The following THSD7B variants were observed in gnomAD, a reference collection of about 807,000 sequenced individuals.
The protein encoded by THSD7B is thrombospondin type 1 domain containing 7B, also known as thrombospondin type-1 domain-containing protein 7B.
In THSD7B, 138 loss-of-function variants were observed where a neutral mutation model predicts 213.6. That is an observed-to-expected ratio of 0.65 (90% CI 0.56 to 0.74). The LOEUF is 0.74. Ranked by LOEUF, THSD7B falls within the 30% of genes least tolerant of loss-of-function variation. The pLI is 0.00. For synonymous variants in THSD7B, 742 were observed against 687.0 expected (o/e 1.08, Z -1.25); for missense variants, 1,931 against 1,991.5 (o/e 0.97, Z 0.58).
At chr2:137,624,807 T>C (rs1380725992) in intron 20 of THSD7B, among the ~76,000 whole-genome samples, 2 of 152,128 alleles carry the variant, frequency 1.3e-5, no homozygotes, top group Non-Finnish European at 2.9e-5. Context: ...ATGGTGATCA[T>C]TAAAAAGTCA....
In THSD7B at chr2:137,667,794, GT is replaced by G; in HGVS notation, c.4675del (p.Tyr1559MetfsTer11). 1 of 1,605,882 alleles carries G rather than the reference GT, an allele frequency of 6.2e-7. No homozygotes were observed. Among genetic ancestry groups the G allele is most frequent in the Non-Finnish European group, 8.5e-7 (1 of 1,175,648 alleles). On this transcript the variant is annotated frameshift_variant, in exon 27 of 28. Transcript: ENST00000409968. LOFTEE classifies it high-confidence loss of function. ...LDPDGRVKIW[V>X]YGVSGGAFLI... ...AACAGATGGCCGAGTAAAAATTTGG[GT>G]TTATGGCGTTTCAGGTGGCGCTTTT...
intron 10 of THSD7B, among the ~76,000 whole-genome samples, chr2:137,246,493 C>T (rs1682042371): frequency 6.6e-6 from 1 of 152,172 alleles, no homozygotes. Flanking sequence ...TGTGACATAG[C>T]AATGGATGAA....
At chr2:137,533,480 A>G (rs1038497214) in intron 15 of THSD7B, among the ~76,000 whole-genome samples, 4 of 151,872 alleles carry the variant, frequency 2.6e-5, no homozygotes, top group African/African-American at 9.7e-5. Flanking sequence ...AACTATTCTG[A>G]CATTTAGCAA....
At chr2:136,944,457 G>C (rs1309650788) in intron 2 of THSD7B, among the ~76,000 whole-genome samples, 1 of 152,132 alleles carries the variant, frequency 6.6e-6, no homozygotes, top group Non-Finnish European at 1.5e-5. Context: ...CTGTCTCCTT[G>C]ATCTGTCTAA....
intron 7 of THSD7B, among the ~76,000 whole-genome samples, chr2:137,181,988 T>C (rs1680464819): frequency 6.6e-6 from 1 of 152,184 alleles, no homozygotes; most frequent in Admixed American, 6.6e-5. Flanking sequence ...GAGTGCATTG[T>C]AATTAAAAGC....
intron 2 of THSD7B, among the ~76,000 whole-genome samples, chr2:136,927,880 C>T (rs1343124301): frequency 6.6e-6 from 1 of 152,112 alleles, no homozygotes; most frequent in East Asian, 1.9e-4. Flanking sequence ...CAAGTTAAAG[C>T]CCTTTGATTG....
intron 5 of THSD7B, 140 bp downstream of exon 5, chr2:137,115,433 G>T: frequency 4.3e-6 from 4 of 923,844 alleles, no homozygotes; most frequent in East Asian, 3.0e-5. Context: ...TTTGTATGCC[G>T]CCCCTAAGTT....
Position 137,115,306 on chromosome 2 carries a change from T to G in THSD7B, c.1369+13T>G. On this transcript the variant is annotated intron_variant, in intron 5 of 27. Transcript: ENST00000409968. The stretch of plus-strand genomic sequence containing the variant: ...AGGGCCAAGGAAGGTAGGCAGCCAG[T>G]TCCGGGACAGATGGTGCACTGCTGG... 6.5e-7 allele frequency: 1 copy of G among 1,534,824 alleles called. No homozygotes were observed. Among genetic ancestry groups the G allele is most frequent in the Non-Finnish European group, 8.7e-7 (1 of 1,144,412 alleles).
At chr2:136,984,862 A>G (rs1306594586) in intron 2 of THSD7B, among the ~76,000 whole-genome samples, 1 of 152,172 alleles carries the variant, frequency 6.6e-6, no homozygotes, top group African/African-American at 2.4e-5. Flanking sequence ...GAGGTCTCAA[A>G]TGGAAATGAG....
chr2:137,048,249 C>T (rs982846088), intron 2 of THSD7B, among the ~76,000 whole-genome samples: 4 of 152,088 alleles, frequency 2.6e-5, no homozygotes, highest in African/African-American at 9.7e-5. Flanking sequence ...TACAATGTTA[C>T]TGCTATTTCT....
At chr2:137,221,329 A>T (rs375783510) in intron 7 of THSD7B, among the ~76,000 whole-genome samples, 2 of 152,084 alleles carry the variant, frequency 1.3e-5, no homozygotes, top group South Asian at 4.1e-4. Flanking sequence ...GTTAGAACTG[A>T]TGGGGAGGGA....
intron 6 of THSD7B, among the ~76,000 whole-genome samples, chr2:137,167,899 A>G (rs910215207): frequency 6.6e-6 from 1 of 152,144 alleles, no homozygotes; most frequent in African/African-American, 2.4e-5. Flanking sequence ...TGTGGCGAAA[A>G]CACAATATCC....
At chr2:136,823,584 A>G (rs1241503884) in intron 1 of THSD7B, among the ~76,000 whole-genome samples, 1 of 151,852 alleles carries the variant, frequency 6.6e-6, no homozygotes, top group Non-Finnish European at 1.5e-5. Context: ...ACTTCTTTAT[A>G]TTTAAAACTT....
At chr2:137,510,903 T>A (rs952838906) in intron 15 of THSD7B, among the ~76,000 whole-genome samples, 2 of 152,180 alleles carry the variant, frequency 1.3e-5, no homozygotes, top group African/African-American at 4.8e-5. Context: ...TAGTTAATAT[T>A]TTTCATGATT....
intron 15 of THSD7B, among the ~76,000 whole-genome samples, chr2:137,541,864 A>AT (rs1415210218): frequency 6.7e-6 from 1 of 149,824 alleles, no homozygotes. Flanking sequence ...ACAAAAAAAA[A>AT]TCAGTGAATT....
chr2:137,657,233 C>T, intron 24 of THSD7B, 73 bp downstream of exon 24: 4 of 1,418,436 alleles, frequency 2.8e-6, no homozygotes, highest in Admixed American at 2.2e-5. Context: ...GAAGAATTAG[C>T]TTACAAATTA....
chr2:136,782,235 C>T (rs1681755522), intron 1 of THSD7B, among the ~76,000 whole-genome samples: 1 of 152,024 alleles, frequency 6.6e-6, no homozygotes, highest in Admixed American at 6.6e-5. Context: ...GTTGTAACGC[C>T]AGAAGAGGTG....
chr2:137,635,225 A>G (rs1426645415), intron 20 of THSD7B, among the ~76,000 whole-genome samples: 1 of 152,196 alleles, frequency 6.6e-6, no homozygotes, highest in Non-Finnish European at 1.5e-5. Flanking sequence ...TGAGTGCACG[A>G]ATAGAGAGTC....
intron 2 of THSD7B, among the ~76,000 whole-genome samples, chr2:136,966,556 A>T (rs1039560738): frequency 6.6e-6 from 1 of 152,088 alleles, no homozygotes; most frequent in African/African-American, 2.4e-5. Context: ...TTTTTATTTG[A>T]AAAAAACATT....
Sources: gnomAD v4.1 joint callset for allele counts (sites outside exome capture counted in the v4.1 genomes callset) on GRCh38, gnomAD v4.1.1 for gene constraint, MANE v1.5 for transcripts, NCBI Gene and HGNC (gene_info 2026-07-23, HGNC 2026-07-21) for gene names.